Variants in LIPH observed in about 807,000 individuals in gnomAD.
LIPH encodes lipase member H.
In LIPH, 32 loss-of-function variants were observed where a neutral mutation model predicts 47.6. The observed-to-expected ratio is 0.67, with a 90% confidence interval of 0.51 to 0.90. The LOEUF is 0.90. Among genes scored for constraint, LIPH ranks in the 40% least tolerant of loss-of-function variants. The pLI is 0.00. For missense variants in LIPH, 497 were observed against 541.4 expected (o/e 0.92, Z 0.81); for synonymous variants, 190 against 195.6 (o/e 0.97, Z 0.24).
At chr3:185,529,924 AAG>A (rs1491180905) in intron 3 of LIPH, among the ~76,000 whole-genome samples, 6 of 44,176 alleles carry the variant, frequency 1.4e-4, no homozygotes, top group African/African-American at 3.0e-4. Context: ...GAAAGAAAGA[AAG>A]AAAGAAAGAA....
chr3:185,529,910 GA>G (rs1560165027), intron 3 of LIPH, among the ~76,000 whole-genome samples: 2 of 29,654 alleles, frequency 6.7e-5, no homozygotes, highest in South Asian at 2.2e-3. Context: ...AGAAAGAAAA[GA>G]AAGAAAGAAA....
At chr3:185,545,710 T>TAAAACAAA (rs893512977) in intron 1 of LIPH, among the ~76,000 whole-genome samples, 15 of 151,154 alleles carry the variant, frequency 9.9e-5, no homozygotes, top group Non-Finnish European at 1.6e-4. Context: ...CCCATCTCCA[T>TAAAACAAA]AAAACAAAAA....
Position 185,547,146 on chromosome 3 carries a change from A to AG in LIPH, c.49+5276_49+5277insC, listed in dbSNP as rs1390305770. On this transcript the variant is annotated intron_variant, in intron 1 of 9. Coordinates refer to ENST00000296252, the MANE Select transcript of LIPH (RefSeq NM_139248.3). Reference sequence around the variant, plus strand: ...ACAGAAAGACTCCGTCTCAAAAAAAAAAAAAAGAAGGTATCTCAGACCCAT... The same window carrying AG: ...ACAGAAAGACTCCGTCTCAAAAAAAAGAAAAAAGAAGGTATCTCAGACCCAT... Among the ~76,000 whole-genome samples, 4 of 152,196 alleles carry AG rather than the reference A, an allele frequency of 2.6e-5. No individual in the cohort carries two copies. In the East Asian group the frequency reaches 7.7e-4, roughly 29 times the overall value.
At chr3:185,539,667 G>A (rs964191731) in intron 1 of LIPH, among the ~76,000 whole-genome samples, 2 of 152,038 alleles carry the variant, frequency 1.3e-5, no homozygotes, top group Admixed American at 6.6e-5. Flanking sequence ...CACCACGCCC[G>A]GCCGCATTTT....
At chr3:185,533,190 C>G (rs1300702679) in intron 3 of LIPH, among the ~76,000 whole-genome samples, 1 of 152,144 alleles carries the variant, frequency 6.6e-6, no homozygotes, top group Non-Finnish European at 1.5e-5. Context: ...TTATGAGACT[C>G]CAGCTGTGCC....
intron 4 of LIPH, 82 bp from the exon 5 acceptor site, chr3:185,524,242 G>T: frequency 1.2e-6 from 1 of 806,478 alleles, no homozygotes; most frequent in Non-Finnish European, 2.2e-6. Context: ...GTATAAGCAG[G>T]AATTGTATTA....
chr3:185,529,939 A>AAAG, intron 3 of LIPH, among the ~76,000 whole-genome samples: 1 of 51,566 alleles, frequency 1.9e-5, no homozygotes, highest in Non-Finnish European at 4.7e-5. Flanking sequence ...AGAAAGAAAG[A>AAAG]AAGAAAGAAA....
chr3:185,509,904 A>G (rs1719502598), intron 9 of LIPH, among the ~76,000 whole-genome samples: 1 of 150,874 alleles, frequency 6.6e-6, no homozygotes, highest in Non-Finnish European at 1.5e-5. Flanking sequence ...AACTTGTACT[A>G]TTAAATGTTT....
intron 1 of LIPH, among the ~76,000 whole-genome samples, chr3:185,541,906 G>A (rs935549668): frequency 6.6e-6 from 1 of 151,536 alleles, no homozygotes; most frequent in Non-Finnish European, 1.5e-5. Flanking sequence ...ACAGACGTGC[G>A]CCACCACACC....
intron 6 of LIPH, among the ~76,000 whole-genome samples, chr3:185,518,497 G>A (rs1005828717): frequency 6.6e-6 from 1 of 151,766 alleles, no homozygotes; most frequent in South Asian, 2.1e-4. Flanking sequence ...GGCCAGGCTG[G>A]TCTCAAACTC....
rs1719383041 is a variant in LIPH, at chr3:185,506,561, G to A, written c.*2229C>T. On this transcript the variant is annotated 3_prime_UTR_variant, in exon 10 of 10. Coordinates refer to ENST00000296252, the MANE Select transcript of LIPH (RefSeq NM_139248.3). ...CCAATAAAACTAAGAAGAAACCAGGGCTGCCGGGTACGATGGCTCACACCT... is the reference window on the plus strand; with the variant it reads ...CCAATAAAACTAAGAAGAAACCAGGACTGCCGGGTACGATGGCTCACACCT... 6.6e-6 allele frequency: 1 copy of A among 152,122 alleles called. No homozygotes were observed. Among genetic ancestry groups the A allele is most frequent in the South Asian group, 2.1e-4 (1 of 4,824 alleles). 9.4% of individuals were successfully genotyped at this position (152,122 alleles called of 1,614,324 possible).
Position 185,508,880 on chromosome 3 carries a change from G to A in LIPH, c.1269-3C>T, listed in dbSNP as rs764881333. ...GATCATACCGACACAGCTGAGGCCT[G>A]GGAAAATAAGACAAAATATCCTTGT... On this transcript the variant is annotated splice_polypyrimidine_tract_variant and splice_region_variant and intron_variant, in intron 9 of 9. Coordinates refer to ENST00000296252, the MANE Select transcript of LIPH (RefSeq NM_139248.3). The A allele has an allele frequency of 2.5e-6, 4 of 1,585,520 alleles. No homozygotes were observed. Among genetic ancestry groups the A allele is most frequent in the South Asian group, 1.1e-5 (1 of 90,340 alleles).
In LIPH at chr3:185,529,972, AAGAAAGAG is replaced by A. The variant is rs1560165353; in HGVS notation, c.527-2395_527-2388del. 3.4e-3 allele frequency among the ~76,000 whole-genome samples: 230 copies of A among 67,632 alleles called. 4 individuals carry two copies. Among genetic ancestry groups the A allele is most frequent in the South Asian group, 9.3e-3 (15 of 1,606 alleles). 44.4% of individuals were successfully genotyped at this position (67,632 alleles called of 152,430 possible). The stretch of plus-strand genomic sequence containing the variant: ...AAAGAAAGAAAGAAAGAAGGAAAGA[AAGAAAGAG>A]AGAGAGAGAGAAAATAAGCAGTGCC... On this transcript the variant is annotated intron_variant, in intron 3 of 9. Transcript: ENST00000296252.
At chr3:185,539,881 C>T (rs1031632589) in intron 1 of LIPH, among the ~76,000 whole-genome samples, 1 of 152,192 alleles carries the variant, frequency 6.6e-6, no homozygotes, top group African/African-American at 2.4e-5. Context: ...TCCAGCTGCC[C>T]CACAGCATTT....
At position 185,508,851 on chromosome 3, in the gene LIPH, A is replaced by G. The variant is rs1219851021; in HGVS notation, c.1295T>C (p.Val432Ala). 1.9e-6 allele frequency: 3 copies of G among 1,613,678 alleles called. No individual in the cohort carries two copies. The highest frequency in any genetic ancestry group is 1.7e-5 in the Admixed American group (1 of 60,024). Residue 432 changes from valine (V) to alanine (A), a missense_variant, in exon 10 of 10, where the codon GTC (valine) becomes GCC (alanine). Physicochemically the swap from Val to Ala is moderately conservative, Grantham distance 64. Transcript: ENST00000296252. ...GACTGTTTCAACGTTTTCCATCAGG[A>G]CAAGATCATACCGACACAGCTGAGG... is the stretch of plus-strand genomic sequence containing the variant. ...ERPQLCRYDL[V>A]LMENVETVFQ...
intron 6 of LIPH, 35 bp downstream of exon 6, chr3:185,519,107 T>C: frequency 1.3e-6 from 2 of 1,587,310 alleles, no homozygotes; most frequent in Non-Finnish European, 1.7e-6. Context: ...ATTAGTTCTT[T>C]GTGAATCAGA....
chr3:185,543,081 A>G (rs1434241641), intron 1 of LIPH, among the ~76,000 whole-genome samples: 1 of 152,098 alleles, frequency 6.6e-6, no homozygotes, highest in South Asian at 2.1e-4. Context: ...TGGTTGTACA[A>G]GCCTGTAATC....
At chr3:185,551,513 T>C (rs1001616646) in intron 1 of LIPH, among the ~76,000 whole-genome samples, 2 of 152,350 alleles carry the variant, frequency 1.3e-5, no homozygotes, top group Non-Finnish European at 2.9e-5. Context: ...TAAGTTGATA[T>C]ACTGTCTTTT....
intron 1 of LIPH, among the ~76,000 whole-genome samples, chr3:185,551,616 T>A (rs1721051420): frequency 6.6e-6 from 1 of 152,150 alleles, no homozygotes. Flanking sequence ...AGGAGGCTTT[T>A]TTCTTTTAAA....
Sources: allele counts gnomAD v4.1 joint callset (sites outside exome capture counted in the v4.1 genomes callset), GRCh38; gene constraint gnomAD v4.1.1; transcripts MANE v1.5; gene names NCBI Gene and HGNC (gene_info 2026-07-23, HGNC 2026-07-21).